The following DDAH1 variants were observed in gnomAD, a reference collection of about 807,000 sequenced individuals.
DDAH1 encodes N(G),N(G)-dimethylarginine dimethylaminohydrolase 1.
Under a neutral mutation model 28.8 loss-of-function variants are expected in DDAH1, and 19 were observed. The ratio of observed to expected loss-of-function variants is 0.66; its 90% CI spans 0.46 to 0.97. The LOEUF is 0.97. Ranked by LOEUF, DDAH1 falls within the 50% of genes least tolerant of loss-of-function variation. The pLI is 0.00. For synonymous variants in DDAH1, 153 were observed against 154.4 expected (o/e 0.99, Z 0.07); for missense variants, 326 against 375.9 (o/e 0.87, Z 1.10).
At position 85,383,877 on chromosome 1, in the gene DDAH1, C is replaced by T. The variant is rs76583368; in HGVS notation, c.304-25030G>A. Among the ~76,000 whole-genome samples, 148 of 152,262 alleles carry T rather than the reference C, an allele frequency of 9.7e-4. 1 individual carries two copies. The highest frequency in any genetic ancestry group is 3.4e-3 in the Middle Eastern group (1 of 294). ...ACATATATATTTTTAAGACATGATG[C>T]CATTCCACAATTAATAGACTACATT... On this transcript the variant is annotated intron_variant, in intron 1 of 5. Transcript: ENST00000284031.
chr1:85,500,120 TTC>T (rs1419981194), intron 1 of DDAH1, among the ~76,000 whole-genome samples: 6 of 16,866 alleles, frequency 3.6e-4, no homozygotes, highest in Non-Finnish European at 1.0e-3. Context: ...TTTCTTTTCT[TTC>T]TTTCTTTCTT....
intron 1 of DDAH1, among the ~76,000 whole-genome samples, chr1:85,415,885 G>C (rs955618064): frequency 3.9e-5 from 6 of 152,066 alleles, no homozygotes; most frequent in African/African-American, 1.4e-4. Context: ...TTAAAACACT[G>C]TTCTGAATGT....
chr1:85,431,776 A>C (rs548559144), intron 1 of DDAH1, among the ~76,000 whole-genome samples: 86 of 152,304 alleles, frequency 5.6e-4, no homozygotes, highest in Non-Finnish European at 1.0e-3. Flanking sequence ...TATTCCTTAC[A>C]TATATTTATT....
At chr1:85,567,739 A>G (rs906141737) in intron 1 of DDAH1, among the ~76,000 whole-genome samples, 3 of 152,222 alleles carry the variant, frequency 2.0e-5, no homozygotes, top group African/African-American at 7.2e-5. Context: ...AGCAAAACCT[A>G]ACAGAAGTAA....
At chr1:85,520,342 G>A (rs1214630297) in intron 1 of DDAH1, among the ~76,000 whole-genome samples, 4 of 152,162 alleles carry the variant, frequency 2.6e-5, no homozygotes, top group South Asian at 2.1e-4. Context: ...CTAATGGCAC[G>A]TATATTTTGG....
intron 2 of DDAH1, among the ~76,000 whole-genome samples, chr1:85,482,737 A>T (rs1161835407): frequency 6.6e-6 from 1 of 152,182 alleles, no homozygotes; most frequent in Non-Finnish European, 1.5e-5. Flanking sequence ...CAAAGGCAGA[A>T]TTTTCTTCCA....
intron 1 of DDAH1, among the ~76,000 whole-genome samples, chr1:85,542,830 T>C (rs1658510363): frequency 6.6e-6 from 1 of 152,206 alleles, no homozygotes; most frequent in African/African-American, 2.4e-5. Flanking sequence ...AAGGAAATCT[T>C]TGAAACAAAC....
intron 1 of DDAH1, among the ~76,000 whole-genome samples, chr1:85,378,388 G>T (rs1227875937): frequency 6.6e-6 from 1 of 152,056 alleles, no homozygotes; most frequent in Non-Finnish European, 1.5e-5. Context: ...CCTCTCTATG[G>T]AACCTGGGAT....
chr1:85,473,594 A>G (rs181669677), intron 2 of DDAH1, among the ~76,000 whole-genome samples: 29 of 152,014 alleles, frequency 1.9e-4, no homozygotes, highest in African/African-American at 6.5e-4. Context: ...CCAGTTTCGC[A>G]ATGCCAGGGA....
In DDAH1 at chr1:85,507,151, T is replaced by C. The variant is rs577556891; in HGVS notation, c.-122-10870A>G. 2.0e-5 allele frequency among the ~76,000 whole-genome samples: 3 copies of C among 151,910 alleles called. No individual in the cohort carries two copies. In the South Asian group the frequency reaches 6.2e-4, roughly 32 times the overall value. Reference sequence around the variant, plus strand: ...ATATATATATATGTGTGTGTGTGTATATATTTTGAAAGTTGTTGAAATCAT... The same window carrying C: ...ATATATATATATGTGTGTGTGTGTACATATTTTGAAAGTTGTTGAAATCAT... On this transcript the variant is annotated intron_variant, in intron 1 of 6. Coordinates refer to the DDAH1 transcript ENST00000426972.
intron 1 of DDAH1, among the ~76,000 whole-genome samples, chr1:85,448,406 C>T (rs1189190524): frequency 1.3e-5 from 2 of 152,190 alleles, no homozygotes; most frequent in African/African-American, 4.8e-5. Flanking sequence ...GTGAGAGGTT[C>T]TGAAAATCTG....
At chr1:85,478,087 A>G (rs548981969) in intron 2 of DDAH1, among the ~76,000 whole-genome samples, 2 of 152,322 alleles carry the variant, frequency 1.3e-5, no homozygotes, top group Non-Finnish European at 2.9e-5. Flanking sequence ...AAAAAAGGGA[A>G]AGGAAATTGC....
intron 1 of DDAH1, among the ~76,000 whole-genome samples, chr1:85,372,040 T>C (rs1650410821): frequency 6.6e-6 from 1 of 152,088 alleles, no homozygotes; most frequent in African/African-American, 2.4e-5. Context: ...CTTAGCTTTT[T>C]TGTGTGTTAT....
At chr1:85,468,733 A>AT (rs1265069874), upstream of DDAH1, among the ~76,000 whole-genome samples, 1 of 151,818 alleles carries the variant, frequency 6.6e-6, no homozygotes, top group African/African-American at 2.4e-5. Context: ...TTAGCCAGGA[A>AT]GGTCTCGATC....
chr1:85,414,920 T>G (rs1328035045), intron 1 of DDAH1, among the ~76,000 whole-genome samples: 1 of 152,036 alleles, frequency 6.6e-6, no homozygotes, highest in African/African-American at 2.4e-5. Context: ...ATGGTTTTGT[T>G]TTTTAAAAAA....
At chr1:85,468,894 T>C (rs1253155042), upstream of DDAH1, among the ~76,000 whole-genome samples, 1 of 152,106 alleles carries the variant, frequency 6.6e-6, no homozygotes, top group Admixed American at 6.6e-5. Flanking sequence ...GAAAGACTCG[T>C]TACCATGATT....
intron 1 of DDAH1, among the ~76,000 whole-genome samples, chr1:85,426,921 CAAAAAAAA>C (rs10680800): frequency 8.3e-6 from 1 of 120,432 alleles, no homozygotes; most frequent in African/African-American, 3.1e-5. Context: ...TTAAAAAAAA[CAAAAAAAA>C]AAAAAAAAAA....
At chr1:85,460,197 C>A (rs1655063736) in intron 1 of DDAH1, among the ~76,000 whole-genome samples, 1 of 152,136 alleles carries the variant, frequency 6.6e-6, no homozygotes, top group African/African-American at 2.4e-5. Flanking sequence ...TGTTCACTTG[C>A]CTCCAGGATG....
upstream of DDAH1, among the ~76,000 whole-genome samples, chr1:85,468,490 C>T (rs1655462649): frequency 6.6e-6 from 1 of 150,668 alleles, no homozygotes; most frequent in South Asian, 2.1e-4. Context: ...TACATGGCGG[C>T]AGGCAAGACA....
Sources: gnomAD v4.1 joint callset for allele counts (sites outside exome capture counted in the v4.1 genomes callset) on GRCh38, gnomAD v4.1.1 for gene constraint, MANE v1.5 for transcripts, NCBI Gene and HGNC (gene_info 2026-07-23, HGNC 2026-07-21) for gene names.